PIEZO2: variants seen among roughly 807,000 people sequenced by gnomAD.
PIEZO2 encodes piezo-type mechanosensitive ion channel component 2.
In PIEZO2, 172 loss-of-function variants were observed where a neutral mutation model predicts 337.3. The ratio of observed to expected loss-of-function variants is 0.51; its 90% CI spans 0.45 to 0.58. PIEZO2 has a LOEUF of 0.58. Ranked by LOEUF, PIEZO2 falls within the 20% of genes least tolerant of loss-of-function variation. The probability of loss-of-function intolerance (pLI) is 0.00; values close to 1 mark genes in which losing one functional copy is unlikely to be tolerated. For synonymous variants in PIEZO2, 1,251 were observed against 1,228.5 expected (o/e 1.02, Z -0.38); for missense variants, 3,028 against 3,391.3 (o/e 0.89, Z 2.66).
chr18:10,690,828 T>C (rs1356947099), intron 48 of PIEZO2, among the ~76,000 whole-genome samples: 3 of 152,192 alleles, frequency 2.0e-5, no homozygotes, highest in Non-Finnish European at 4.4e-5. Context: ...ATGGAGGAAC[T>C]TACTGTATAC....
rs554927607 is a variant in PIEZO2, at chr18:11,048,974, C to T, written c.160+17153G>A. ...AAATAGCTACAGATGAAGTAAAGCT[C>T]AGATGCTCTAATAAATTATTCCATC... On this transcript the variant is annotated intron_variant, in intron 2 of 55. Transcript: ENST00000674853. The surrounding 1 kb of genome is among the most constrained non-coding windows in gnomAD (Gnocchi z 4.5). Among the ~76,000 whole-genome samples the T allele has an allele frequency of 1.3e-5, 2 of 152,180 alleles. No homozygotes were observed. Among genetic ancestry groups the T allele is most frequent in the Non-Finnish European group, 2.9e-5 (2 of 68,024 alleles).
intron 55 of PIEZO2, 129 bp from the exon 56 acceptor site, chr18:10,671,908 CA>C (rs1256573961): frequency 2.4e-6 from 2 of 850,662 alleles, no homozygotes; most frequent in African/African-American, 3.5e-5. Flanking sequence ...TCAAATCTTA[CA>C]TTTTTTCCCT....
At position 10,813,925 on chromosome 18, in the gene PIEZO2, C is replaced by CT. The variant is rs1401746445; in HGVS notation, c.918-6652dup. 6.6e-6 allele frequency among the ~76,000 whole-genome samples: 1 copy of CT among 151,886 alleles called. No individual in the cohort carries two copies. The highest frequency in any genetic ancestry group is 2.4e-5 in the African/African-American group (1 of 41,306). On this transcript the variant is annotated intron_variant, in intron 7 of 55. Transcript: ENST00000674853. This position sits in a 1 kb window ranked among gnomAD's most constrained non-coding sequence, Gnocchi z 4.2. ...CCTTGCCAAGTCTTGTTATTTTATG[C>CT]TTTTCAGAGTAGTCATCCTAATAGG...
At chr18:11,049,564 A>C (rs2037444876) in intron 2 of PIEZO2, among the ~76,000 whole-genome samples, 1 of 152,160 alleles carries the variant, frequency 6.6e-6, no homozygotes, top group Admixed American at 6.5e-5. Flanking sequence ...CTGCATCCCC[A>C]CCCAAATCAA....
intron 7 of PIEZO2, among the ~76,000 whole-genome samples, chr18:10,840,880 T>C (rs575030940): frequency 1.3e-5 from 2 of 152,292 alleles, no homozygotes; most frequent in South Asian, 2.1e-4. Flanking sequence ...TGAATTTTAA[T>C]TGAGTGTTCA....
intron 4 of PIEZO2, among the ~76,000 whole-genome samples, chr18:10,897,676 G>T (rs1475990962): frequency 1.3e-5 from 2 of 152,116 alleles, no homozygotes; most frequent in South Asian, 2.1e-4. Flanking sequence ...GTCTTTATCA[G>T]CAGCATGAGA....
Position 11,009,800 on chromosome 18 carries a change from G to A in PIEZO2, c.161-30140C>T, listed in dbSNP as rs770235639. Among the ~76,000 whole-genome samples the A allele has an allele frequency of 1.3e-5, 2 of 151,908 alleles. No individual in the cohort carries two copies. Among genetic ancestry groups the A allele is most frequent in the African/African-American group, 2.4e-5 (1 of 41,330 alleles). The stretch of plus-strand genomic sequence containing the variant: ...GAGGTGGGCCTAATCCAGTATGCCC[G>A]GTGTCCTTGTAAGAAGAGGAGAGTA... On this transcript the variant is annotated intron_variant, in intron 2 of 55. Transcript: ENST00000674853. The surrounding 1 kb of genome is among the most constrained non-coding windows in gnomAD (Gnocchi z 4.6).
intron 4 of PIEZO2, 87 bp downstream of exon 4, chr18:10,911,099 T>A: frequency 1.1e-6 from 1 of 926,050 alleles, no homozygotes; most frequent in South Asian, 1.6e-5. Context: ...GTGACAGGAC[T>A]ATTGATTTAT....
chr18:10,697,870 G>A lies in PIEZO2; in HGVS notation c.6705C>T (p.Ser2235=), dbSNP rs1244651023. Residue 2235 remains serine (S), a synonymous_variant, in exon 45 of 56, where the codon AGC becomes AGT. Coordinates refer to ENST00000674853, the MANE Select transcript of PIEZO2 (RefSeq NM_001378183.1). ...SSNRSQRGST[S]TRNSSQKGSS... is the part of the protein sequence containing the mutation. ...TTCCTTTTTGACTGCTGTTTCGGGT[G>A]CTTGTGCTGCCTAGAAATAAAAAGA... 6.2e-7 allele frequency: 1 copy of A among 1,612,044 alleles called. No homozygotes were observed. Among genetic ancestry groups the A allele is most frequent in the Non-Finnish European group, 8.5e-7 (1 of 1,178,726 alleles).
chr18:11,115,889 T>C lies in PIEZO2; in HGVS notation c.64+32636A>G, dbSNP rs766529165. The stretch of plus-strand genomic sequence containing the variant: ...AAACATGGATGAATGTTACAGCCTA[T>C]GAAGAGAAGCTTTCTTCCTTTAAAT... On this transcript the variant is annotated intron_variant, in intron 1 of 55. Transcript: ENST00000674853. Among the ~76,000 whole-genome samples, 49 of 152,188 alleles carry C rather than the reference T, an allele frequency of 3.2e-4. 1 individual carries two copies. Among genetic ancestry groups the C allele is most frequent in the Non-Finnish European group, 1.2e-4 (8 of 68,016 alleles).
intron 8 of PIEZO2, among the ~76,000 whole-genome samples, chr18:10,804,699 C>T (rs900381107): frequency 3.3e-5 from 5 of 152,302 alleles, no homozygotes; most frequent in Admixed American, 2.6e-4. Context: ...GTGGGGGCCA[C>T]ATATTACACT....
intron 1 of PIEZO2, among the ~76,000 whole-genome samples, chr18:11,100,415 G>A (rs2039377332): frequency 6.6e-6 from 1 of 152,192 alleles, no homozygotes; most frequent in Non-Finnish European, 1.5e-5. Flanking sequence ...TGACACTAAA[G>A]TGATGATGGA....
intron 1 of PIEZO2, among the ~76,000 whole-genome samples, chr18:11,119,015 G>T (rs2039962439): frequency 6.6e-6 from 1 of 152,074 alleles, no homozygotes; most frequent in South Asian, 2.1e-4. Context: ...ACCTCTAAAA[G>T]AATATGAATT....
intron 4 of PIEZO2, among the ~76,000 whole-genome samples, chr18:10,892,364 A>T (rs909111891): frequency 6.6e-6 from 1 of 152,230 alleles, no homozygotes; most frequent in African/African-American, 2.4e-5. Context: ...TCCATGTGAA[A>T]AAAGCCAGAC....
rs982255354 is a variant in PIEZO2 at position 10,952,270 on chromosome 18, T to C, written c.286+27265A>G. ...AGTTACACAGAGTAAAATTTTTGCA[T>C]GTATAATTTCTCAATTTCTTACAAA... On this transcript the variant is annotated intron_variant, in intron 3 of 55. Transcript: ENST00000674853. This position sits in a 1 kb window ranked among gnomAD's most constrained non-coding sequence, Gnocchi z 4.1. 1.3e-5 allele frequency among the ~76,000 whole-genome samples: 2 copies of C among 152,218 alleles called. No homozygotes were observed. Among genetic ancestry groups the C allele is most frequent in the African/African-American group, 2.4e-5 (1 of 41,462 alleles).
At chr18:10,720,429 A>G (rs1201716589) in intron 36 of PIEZO2, among the ~76,000 whole-genome samples, 9 of 3,188 alleles carry the variant, frequency 2.8e-3, no homozygotes, top group South Asian at 6.8e-3. Context: ...GTATATATAT[A>G]TATATATATA....
chr18:10,762,845 G>A, intron 22 of PIEZO2, 77 bp downstream of exon 22: 7 of 1,464,052 alleles, frequency 4.8e-6, no homozygotes, highest in Non-Finnish European at 6.4e-6. Context: ...AATGTGCTTG[G>A]GGATGGGGGT....
intron 2 of PIEZO2, among the ~76,000 whole-genome samples, chr18:11,029,992 C>A (rs777086059): frequency 8.5e-5 from 13 of 152,166 alleles, no homozygotes; most frequent in Non-Finnish European, 1.8e-4. Flanking sequence ...TATTTTTTAT[C>A]TCTTCTGAAA....
intron 39 of PIEZO2, among the ~76,000 whole-genome samples, chr18:10,712,951 C>T (rs1476326737): frequency 6.6e-6 from 1 of 152,008 alleles, no homozygotes; most frequent in Non-Finnish European, 1.5e-5. Flanking sequence ...GTCTTTGGAA[C>T]TCATAAATAA....
Sources: allele counts gnomAD v4.1 joint callset (sites outside exome capture counted in the v4.1 genomes callset), GRCh38; gene constraint gnomAD v4.1.1; non-coding constraint Gnocchi (gnomAD v3.1); transcripts MANE v1.5; gene names NCBI Gene and HGNC (gene_info 2026-07-23, HGNC 2026-07-21).